The following CAMK1D variants were observed in gnomAD, a reference collection of about 807,000 sequenced individuals.
The protein encoded by CAMK1D is calcium/calmodulin dependent protein kinase ID.
Under a neutral mutation model 47.7 loss-of-function variants are expected in CAMK1D, and 9 were observed. The ratio of observed to expected loss-of-function variants is 0.19; its 90% CI spans 0.11 to 0.33. The LOEUF (loss-of-function observed/expected upper bound fraction) is 0.33. Ranked by LOEUF, CAMK1D falls within the 10% of genes least tolerant of loss-of-function variation. CAMK1D has a pLI of 1.00. For missense variants in CAMK1D, 291 were observed against 488.7 expected, an observed-to-expected ratio of 0.60 and a Z score of 3.81; for synonymous variants, 184 against 184.9, an observed-to-expected ratio of 0.99 and a Z score of 0.04.
rs115839123 is a variant in CAMK1D, at chr10:12,496,264, A to G, written c.93-56961A>G. On this transcript the variant is annotated intron_variant, in intron 1 of 10. Transcript: ENST00000619168. ...GAGACACTTAAACTTTAATGACTAT[A>G]TCAGTTAGGGTCAAGATTGCCTGCA... Among the ~76,000 whole-genome samples the G allele has an allele frequency of 4.3e-3, 651 of 152,320 alleles. 4 individuals are homozygous for G. The highest frequency in any genetic ancestry group is 0.015 in the African/African-American group (635 of 41,574).
At chr10:12,622,203 T>A (rs1255722623) in intron 2 of CAMK1D, among the ~76,000 whole-genome samples, 2 of 152,204 alleles carry the variant, frequency 1.3e-5, no homozygotes, top group African/African-American at 4.8e-5. Flanking sequence ...AGGCCCCTGC[T>A]TGGCCTTTGC....
At chr10:12,508,971 T>C (rs11257841) in intron 1 of CAMK1D, among the ~76,000 whole-genome samples, 62,343 of 152,082 alleles carry the variant, frequency 0.41, 13,366 homozygotes, top group South Asian at 0.55. Context: ...TGTTCATTGA[T>C]GGAACCCCGC....
intron 3 of CAMK1D, among the ~76,000 whole-genome samples, chr10:12,743,540 C>A (rs1835531129): frequency 6.6e-6 from 1 of 152,094 alleles, no homozygotes; most frequent in Admixed American, 6.6e-5. Context: ...ATAAAATTCA[C>A]CCTTTCAAGT....
chr10:12,611,350 G>A (rs903540828), intron 2 of CAMK1D, among the ~76,000 whole-genome samples: 5 of 152,216 alleles, frequency 3.3e-5, no homozygotes, highest in South Asian at 2.1e-4. Context: ...GCCCCCTTCC[G>A]TGCTGACATT....
chr10:12,614,810 G>A (rs1031447759), intron 2 of CAMK1D, among the ~76,000 whole-genome samples: 1 of 152,160 alleles, frequency 6.6e-6, no homozygotes, highest in Non-Finnish European at 1.5e-5. Flanking sequence ...ACTGGGAATC[G>A]GATGTGTCTC....
chr10:12,409,141 G>T (rs1199619759), intron 1 of CAMK1D, among the ~76,000 whole-genome samples: 1 of 152,124 alleles, frequency 6.6e-6, no homozygotes, highest in Non-Finnish European at 1.5e-5. Flanking sequence ...ACAGGCGTGA[G>T]CCACTGCACC....
chr10:12,545,893 A>G (rs1463879530), intron 1 of CAMK1D, among the ~76,000 whole-genome samples: 1 of 152,132 alleles, frequency 6.6e-6, no homozygotes, highest in Non-Finnish European at 1.5e-5. Context: ...CAGAACTTGA[A>G]CAAAGGCCAG....
intron 1 of CAMK1D, among the ~76,000 whole-genome samples, chr10:12,405,168 G>A (rs2131926948): frequency 6.6e-6 from 1 of 152,246 alleles, no homozygotes; most frequent in East Asian, 1.9e-4. Flanking sequence ...TGTAGTTTCT[G>A]TTGTGTCTTT....
chr10:12,699,618 C>T (rs1264545399), intron 3 of CAMK1D, among the ~76,000 whole-genome samples: 1 of 151,064 alleles, frequency 6.6e-6, no homozygotes, highest in Non-Finnish European at 1.5e-5. Flanking sequence ...TGCTGTTAAT[C>T]ATTAGTCCTC....
intron 1 of CAMK1D, among the ~76,000 whole-genome samples, chr10:12,403,699 A>G (rs1458683710): frequency 6.6e-6 from 1 of 152,196 alleles, no homozygotes; most frequent in African/African-American, 2.4e-5. Flanking sequence ...TTGATTTGCA[A>G]AAAATTCAGT....
At position 12,564,153 on chromosome 10, in the gene CAMK1D, C is replaced by CTGTCTG. The variant is rs764283646; in HGVS notation, c.224+10798_224+10799insGTCTGT. 3.7e-3 allele frequency among the ~76,000 whole-genome samples: 316 copies of CTGTCTG among 85,796 alleles called. 4 individuals carry two copies. In the Middle Eastern group the frequency reaches 0.053, roughly 14 times the overall value. The allele number at this position is 85,796 out of a possible 152,430, so 56.3% of individuals were successfully genotyped here. A position where few individuals can be genotyped will look rare whatever the true frequency, so the allele number is the denominator to read the frequency against. Reference sequence around the variant, plus strand: ...TCTCTCTCTCTCTCTCTCTGTCTCTCTCTCTCTCTCTCTCTCTCTCTCTCT... The same window carrying CTGTCTG: ...TCTCTCTCTCTCTCTCTCTGTCTCTCTGTCTGTCTCTCTCTCTCTCTCTCTCTCTCT... On this transcript the variant is annotated intron_variant, in intron 2 of 10. Coordinates refer to ENST00000619168, the MANE Select transcript of CAMK1D (RefSeq NM_153498.4).
chr10:12,787,619 G>A (rs763507714), intron 5 of CAMK1D, among the ~76,000 whole-genome samples: 2 of 152,238 alleles, frequency 1.3e-5, no homozygotes, highest in African/African-American at 2.4e-5. Context: ...TGGAGGCACC[G>A]CAGCTTCCTT....
chr10:12,762,651 C>G (rs1170035877), intron 4 of CAMK1D, among the ~76,000 whole-genome samples: 1 of 152,194 alleles, frequency 6.6e-6, no homozygotes, highest in East Asian at 1.9e-4. Context: ...CTGGGAACTG[C>G]TCTTGGAAAA....
intron 2 of CAMK1D, among the ~76,000 whole-genome samples, chr10:12,604,787 A>T (rs1460685721): frequency 3.3e-5 from 5 of 152,212 alleles, no homozygotes; most frequent in African/African-American, 4.8e-5. Context: ...CTTGGGTAGT[A>T]TGAAGCATCT....
intron 6 of CAMK1D, among the ~76,000 whole-genome samples, chr10:12,810,027 A>C (rs547284789): frequency 6.6e-6 from 1 of 151,740 alleles, no homozygotes; most frequent in African/African-American, 2.4e-5. Flanking sequence ...GTGCACCTGT[A>C]GTCCCAGCTA....
intron 7 of CAMK1D, among the ~76,000 whole-genome samples, chr10:12,815,160 G>A (rs1442911796): frequency 2.6e-5 from 4 of 152,206 alleles, no homozygotes; most frequent in African/African-American, 9.7e-5. Context: ...GCCGGCATTT[G>A]AAATGCCACT....
At chr10:12,794,986 A>G (rs1202037462) in intron 6 of CAMK1D, among the ~76,000 whole-genome samples, 1 of 151,954 alleles carries the variant, frequency 6.6e-6, no homozygotes, top group African/African-American at 2.4e-5. Context: ...TCCATGTTTC[A>G]CCCTTTGCAC....
chr10:12,506,611 C>G lies in CAMK1D; in HGVS notation c.93-46614C>G, dbSNP rs756533135. Among the ~76,000 whole-genome samples the G allele has an allele frequency of 1.2e-4, 19 of 152,160 alleles. No homozygotes were observed. In the Middle Eastern group the frequency reaches 0.01, roughly 82 times the overall value. ...TCAGCTCACTGCAGTCTCCGCCTCC[C>G]GGGTTCACGCCATTCTCCTGCCTCA... On this transcript the variant is annotated intron_variant, in intron 1 of 10. Transcript: ENST00000619168.
At chr10:12,369,894 T>C (rs1449918102) in intron 1 of CAMK1D, among the ~76,000 whole-genome samples, 1 of 150,998 alleles carries the variant, frequency 6.6e-6, no homozygotes, top group African/African-American at 2.4e-5. Flanking sequence ...AGGCGAAGGT[T>C]GCAGTGAGCT....
Sources: allele counts gnomAD v4.1 joint callset (sites outside exome capture counted in the v4.1 genomes callset), GRCh38; gene constraint gnomAD v4.1.1; transcripts MANE v1.5; gene names NCBI Gene and HGNC (gene_info 2026-07-23, HGNC 2026-07-21).